SYNC: variants seen among roughly 807,000 people sequenced by gnomAD.
SYNC encodes the protein syncoilin.
A neutral mutation model predicts 49.5 loss-of-function variants in SYNC; 38 were observed. The observed-to-expected ratio is 0.77, with a 90% CI of 0.59 to 1.01. SYNC has a LOEUF of 1.01. Among genes scored for constraint, SYNC ranks in the 50% least tolerant of loss-of-function variants. The probability of loss-of-function intolerance (pLI) is 0.00; values close to 1 mark genes in which losing one functional copy is unlikely to be tolerated. For missense variants in SYNC, 579 were observed against 580.6 expected, an observed-to-expected ratio of 1.00 and a Z score of 0.03; for synonymous variants, 201 against 230.8, an observed-to-expected ratio of 0.87 and a Z score of 1.17.
At position 32,680,122 on chromosome 1, in the gene SYNC, A is replaced by C; in HGVS notation, c.*1728T>G. 1 of 1,067,892 alleles carries C rather than the reference A, an allele frequency of 9.4e-7. No homozygotes were observed. Among genetic ancestry groups the C allele is most frequent in the Non-Finnish European group, 1.1e-6 (1 of 884,248 alleles). 66.2% of individuals were successfully genotyped at this position (1,067,892 alleles called of 1,614,324 possible). A position where few individuals can be genotyped will look rare whatever the true frequency, so the allele number is the denominator to read the frequency against. Reference sequence around the variant, plus strand: ...GAAAGATGTCACTTTTATTCAGGAAATAGGGGGAGATTCAAGTCATATAGA... The same window carrying C: ...GAAAGATGTCACTTTTATTCAGGAACTAGGGGGAGATTCAAGTCATATAGA... On this transcript the variant is annotated 3_prime_UTR_variant, in exon 5 of 5. Transcript: ENST00000409190.
intron 4 of SYNC, chr1:32,682,118 T>C: frequency 2.1e-6 from 1 of 474,278 alleles, no homozygotes; most frequent in Non-Finnish European, 3.8e-6. Context: ...GTTTCATTTC[T>C]TTGGATTAGT....
intron 2 of SYNC, among the ~76,000 whole-genome samples, chr1:32,688,877 G>A (rs1028186353): frequency 1.3e-5 from 2 of 151,654 alleles, no homozygotes; most frequent in South Asian, 2.1e-4. Flanking sequence ...CACTGCACCC[G>A]GCCTCTGGAG....
chr1:32,695,956 A>G lies in SYNC; in HGVS notation c.142T>C (p.Ser48Pro), dbSNP rs569121173. Residue 48 changes from serine to proline, a missense_variant, in exon 2 of 5, where the codon TCT becomes CCT. Physicochemically the swap from Ser to Pro is moderately conservative, Grantham distance 74. Coordinates refer to ENST00000409190, the MANE Select transcript of SYNC (RefSeq NM_030786.3). Reference sequence around the variant, plus strand: ...TCGAGGTTTAAGGACCCCTCTGAAGATAGAGTAACTTCTGGGTTCAAGGCT... The same window carrying G: ...TCGAGGTTTAAGGACCCCTCTGAAGGTAGAGTAACTTCTGGGTTCAAGGCT... Reference protein sequence around the residue: ...AEALNPEVTLSSEGSLNLEDI... With the variant: ...AEALNPEVTLPSEGSLNLEDI... 1.9e-6 allele frequency: 3 copies of G among 1,547,934 alleles called. No homozygotes were observed. The African/African-American group carries it at 4.1e-5, about 21-fold the overall frequency.
chr1:32,695,893 C>CA lies in SYNC; in HGVS notation c.204dup (p.Glu69Ter). On this transcript the variant is annotated frameshift_variant, in exon 2 of 5. Transcript: ENST00000409190. LOFTEE classifies it high-confidence loss of function. ...TCAGTCTCTTGCACATAGAGTGTCT[C>CA]ATCAAGGTCACCTGTGTCCTCCAGG... The CA allele has an allele frequency of 6.4e-7, 1 of 1,552,058 alleles. No homozygotes were observed. Among genetic ancestry groups the CA allele is most frequent in the Admixed American group, 2.0e-5 (1 of 50,980 alleles).
At chr1:32,691,079 A>C (rs1311580732) in intron 2 of SYNC, among the ~76,000 whole-genome samples, 2 of 152,056 alleles carry the variant, frequency 1.3e-5, no homozygotes, top group African/African-American at 4.8e-5. Flanking sequence ...TTAGCCAGCT[A>C]TGGTGGCATG....
At chr1:32,699,613 C>T (rs1488250536) in intron 1 of SYNC, among the ~76,000 whole-genome samples, 2 of 151,932 alleles carry the variant, frequency 1.3e-5, no homozygotes, top group African/African-American at 4.9e-5. Flanking sequence ...CTATTCTCTA[C>T]ACCACCACAG....
At position 32,695,173 on chromosome 1, in the gene SYNC, G is replaced by A. The variant is rs750958525; in HGVS notation, c.925C>T (p.Pro309Ser). The change falls in exon 2 of 5, where the codon CCT becomes TCT. Residue 309 changes from proline to serine, a missense_variant. By Grantham distance (74) the Pro-to-Ser change is moderately conservative. Coordinates refer to ENST00000409190, the MANE Select transcript of SYNC (RefSeq NM_030786.3). ...AAGTGCCCATCCCTCTGGCTTGGAGGGGCTTCTAGTTGTTGCCGCAGCTGC... is the reference window on the plus strand; with the variant it reads ...AAGTGCCCATCCCTCTGGCTTGGAGAGGCTTCTAGTTGTTGCCGCAGCTGC... The part of the protein sequence containing the change: ...KEQLRQQLEA[P>S]PSQRDGHFLQ... 7.6e-6 allele frequency: 12 copies of A among 1,580,464 alleles called. No homozygotes were observed. Among genetic ancestry groups the A allele is most frequent in the Non-Finnish European group, 8.6e-7 (1 of 1,163,062 alleles).
rs1557868478 is a variant in SYNC, at chr1:32,684,311, G to A, written c.1305C>T (p.Asn435=). Reference sequence around the variant, plus strand: ...TGAGCCTTAGCTGTTCCATCTCTTTGTTCTTCTGTTGCTGGAGTTGCACCC... The same window carrying A: ...TGAGCCTTAGCTGTTCCATCTCTTTATTCTTCTGTTGCTGGAGTTGCACCC... The part of the protein sequence containing the change: ...RNGVQLQQQK[N]KEMEQLRLSL... The change falls in exon 3 of 5, where the codon AAC becomes AAT. Residue 435 remains asparagine (N), a synonymous_variant. Coordinates refer to ENST00000409190, the MANE Select transcript of SYNC (RefSeq NM_030786.3). 2.5e-6 allele frequency: 4 copies of A among 1,614,124 alleles called. No individual in the cohort carries two copies. The highest frequency in any genetic ancestry group is 3.4e-6 in the Non-Finnish European group (4 of 1,180,024).
chr1:32,696,383 C>T (rs1444734062), intron 1 of SYNC, among the ~76,000 whole-genome samples: 1 of 151,734 alleles, frequency 6.6e-6, no homozygotes, highest in East Asian at 1.9e-4. Context: ...AGCGTGATGT[C>T]GGCTCACTGC....
chr1:32,696,431 A>G (rs1650431003), intron 1 of SYNC, among the ~76,000 whole-genome samples: 1 of 151,496 alleles, frequency 6.6e-6, no homozygotes, highest in Non-Finnish European at 1.5e-5. Flanking sequence ...CTCTTGCCTC[A>G]GCCTCCCAAG....
intron 1 of SYNC, among the ~76,000 whole-genome samples, chr1:32,699,894 G>A (rs1314079154): frequency 6.6e-6 from 1 of 151,650 alleles, no homozygotes. Flanking sequence ...CACCATGCCT[G>A]GCTAATTTTT....
intron 2 of SYNC, among the ~76,000 whole-genome samples, chr1:32,692,028 G>C (rs360030): frequency 0.97 from 148,072 of 152,172 alleles, 72,172 homozygotes; most frequent in East Asian, 1. Context: ...ATCAGGAGAT[G>C]GAGACCATCC....
At chr1:32,688,614 T>A (rs1650006335) in intron 2 of SYNC, among the ~76,000 whole-genome samples, 1 of 152,210 alleles carries the variant, frequency 6.6e-6, no homozygotes, top group Non-Finnish European at 1.5e-5. Context: ...GTACAAACTT[T>A]TTTTAAGGCG....
chr1:32,691,693 T>C (rs1047249868), intron 2 of SYNC, among the ~76,000 whole-genome samples: 3 of 152,122 alleles, frequency 2.0e-5, no homozygotes, highest in Non-Finnish European at 4.4e-5. Context: ...TCAGATATGT[T>C]GAGTTAGATA....
In SYNC at chr1:32,681,608, T is replaced by C. The variant is rs961213417; in HGVS notation, c.*242A>G. The C allele has an allele frequency of 1.7e-6, 1 of 604,016 alleles. No homozygotes were observed. Among genetic ancestry groups the C allele is most frequent in the Non-Finnish European group, 2.9e-6 (1 of 341,464 alleles). 37.4% of individuals were successfully genotyped at this position (604,016 alleles called of 1,614,324 possible). A position where few individuals can be genotyped will look rare whatever the true frequency, so the allele number is the denominator to read the frequency against. Reference sequence around the variant, plus strand: ...GCTCATCTTTCCTTTCCTTGGTGCATTGAGATCAGTATCAACAGCAGATGA... The same window carrying C: ...GCTCATCTTTCCTTTCCTTGGTGCACTGAGATCAGTATCAACAGCAGATGA... On this transcript the variant is annotated 3_prime_UTR_variant, in exon 5 of 5. Transcript: ENST00000409190.
In SYNC at chr1:32,680,591, C is replaced by G; in HGVS notation, c.*1259G>C. The G allele has an allele frequency of 3.4e-6, 5 of 1,471,478 alleles. No individual in the cohort carries two copies. The highest frequency in any genetic ancestry group is 4.6e-6 in the Non-Finnish European group (5 of 1,079,072). The allele number at this position is 1,471,478 out of a possible 1,614,324, so 91.2% of individuals were successfully genotyped here. A position where few individuals can be genotyped will look rare whatever the true frequency, so the allele number is the denominator to read the frequency against. ...TGGGTGACCTGTTTCACCAGCAGGC[C>G]TGTTACTCTCCATGACTAACTGTGT... On this transcript the variant is annotated 3_prime_UTR_variant, in exon 5 of 5. Transcript: ENST00000409190.
At position 32,694,875 on chromosome 1, in the gene SYNC, T is replaced by C. The variant is rs770485743; in HGVS notation, c.1223A>G (p.Gln408Arg). The change falls in exon 2 of 5, where the codon CAG becomes CGG. Residue 408 changes from glutamine (Q) to arginine (R), a missense_variant. By Grantham distance (43) the Gln-to-Arg change is conservative (BLOSUM62 1). Coordinates refer to ENST00000409190, the MANE Select transcript of SYNC (RefSeq NM_030786.3). ...GCCCAATGGGCCTACCCTGTACTGCTGCACCTCTTCATCTCGTTTTTGCCT... is the reference window on the plus strand; with the variant it reads ...GCCCAATGGGCCTACCCTGTACTGCCGCACCTCTTCATCTCGTTTTTGCCT... ...LVRQKRDEEV[Q>R]QYREQLEEME... is the part of the protein sequence containing the mutation. 1 of 1,606,212 alleles carries C rather than the reference T, an allele frequency of 6.2e-7. No individual in the cohort carries two copies. Among genetic ancestry groups the C allele is most frequent in the South Asian group, 1.1e-5 (1 of 90,026 alleles).
rs375783581 is a variant in SYNC at position 32,684,236 on chromosome 1, T to C, written c.1358+22A>G. On this transcript the variant is annotated intron_variant, in intron 3 of 4. Coordinates refer to ENST00000409190, the MANE Select transcript of SYNC (RefSeq NM_030786.3). Reference sequence around the variant, plus strand: ...CCCCTCAGCCAGTATTAGATGAGATTTGTATAGCAGCAGAAACTGACTTAT... The same window carrying C: ...CCCCTCAGCCAGTATTAGATGAGATCTGTATAGCAGCAGAAACTGACTTAT... The C allele has an allele frequency of 5.0e-6, 8 of 1,614,122 alleles. No homozygotes were observed. The African/African-American group carries it at 9.3e-5, about 19-fold the overall frequency.
intron 2 of SYNC, among the ~76,000 whole-genome samples, chr1:32,686,523 G>A (rs1006643181): frequency 6.6e-6 from 1 of 152,230 alleles, no homozygotes; most frequent in African/African-American, 2.4e-5. Context: ...AGGAAAAGGG[G>A]AACTGCTACA....
Sources: gnomAD v4.1 joint callset for allele counts (sites outside exome capture counted in the v4.1 genomes callset) on GRCh38, gnomAD v4.1.1 for gene constraint, MANE v1.5 for transcripts, NCBI Gene and HGNC (gene_info 2026-07-23, HGNC 2026-07-21) for gene names.